Variants in ZMAT4 observed in about 807,000 individuals in gnomAD.
The protein encoded by ZMAT4 is zinc finger matrin-type 4.
ZMAT4 carries 17 observed loss-of-function variants against 28.7 expected under a neutral mutation model. The observed-to-expected ratio is 0.59, with a 90% confidence interval of 0.41 to 0.89. ZMAT4 has a LOEUF of 0.89. Ranked by LOEUF, ZMAT4 falls within the 40% of genes least tolerant of loss-of-function variation. The pLI, the probability that ZMAT4 is intolerant of heterozygous loss-of-function variation, is 0.00. For missense variants in ZMAT4, 240 were observed against 283.8 expected (o/e 0.85, Z 1.11); for synonymous variants, 117 against 109.2 (o/e 1.07, Z -0.44).
At chr8:40,752,924 C>T (rs1439334290) in intron 3 of ZMAT4, among the ~76,000 whole-genome samples, 2 of 151,998 alleles carry the variant, frequency 1.3e-5, no homozygotes, top group South Asian at 2.1e-4. Context: ...ATATGCAGAA[C>T]GTGCAGGTTT....
chr8:40,584,574 G>A (rs1804601555), intron 5 of ZMAT4, among the ~76,000 whole-genome samples: 1 of 151,998 alleles, frequency 6.6e-6, no homozygotes, highest in African/African-American at 2.4e-5. Context: ...CTATCTAAAA[G>A]TTTGGAAAAA....
chr8:40,534,677 CTTTTTTT>C (rs34915339), intron 6 of ZMAT4, among the ~76,000 whole-genome samples: 2 of 87,382 alleles, frequency 2.3e-5, no homozygotes, highest in East Asian at 7.9e-4. Flanking sequence ...CATTTGCTAC[CTTTTTTT>C]TTTTTTTTTT....
rs1031794148 is a variant in ZMAT4 at position 40,729,879 on chromosome 8, G to A, written c.193-32478C>T. On this transcript the variant is annotated intron_variant, in intron 3 of 6. Transcript: ENST00000297737. ...CCCAAAGTGCTGGGATTACAGGCCCGCTTGAGCATATATTTCTTTCTTGAA... is the reference window on the plus strand; with the variant it reads ...CCCAAAGTGCTGGGATTACAGGCCCACTTGAGCATATATTTCTTTCTTGAA... Among the ~76,000 whole-genome samples, 6 of 152,018 alleles carry A rather than the reference G, an allele frequency of 3.9e-5. No homozygotes were observed. In the East Asian group the frequency reaches 9.6e-4, roughly 24 times the overall value.
intron 3 of ZMAT4, among the ~76,000 whole-genome samples, chr8:40,741,609 G>A (rs1461073178): frequency 2.0e-5 from 3 of 152,126 alleles, no homozygotes; most frequent in Non-Finnish European, 2.9e-5. Flanking sequence ...GTGAAGATGA[G>A]GTAAAGTGGA....
chr8:40,860,243 G>A (rs1292536323), intron 1 of ZMAT4, among the ~76,000 whole-genome samples: 1 of 152,140 alleles, frequency 6.6e-6, no homozygotes, highest in Non-Finnish European at 1.5e-5. Context: ...TACAGCCTGA[G>A]GGGAGGTTGG....
intron 2 of ZMAT4, among the ~76,000 whole-genome samples, chr8:40,787,866 T>C (rs1814152530): frequency 6.6e-6 from 1 of 152,236 alleles, no homozygotes; most frequent in Admixed American, 6.5e-5. Flanking sequence ...TGTTCATTTC[T>C]AGAATTTTCC....
chr8:40,640,083 C>T (rs1240358699), intron 5 of ZMAT4, among the ~76,000 whole-genome samples: 1 of 152,066 alleles, frequency 6.6e-6, no homozygotes, highest in Admixed American at 6.6e-5. Flanking sequence ...TTCAAGTAAT[C>T]CTCCCACCTC....
At chr8:40,599,819 C>G (rs1203523647) in intron 5 of ZMAT4, among the ~76,000 whole-genome samples, 1 of 152,142 alleles carries the variant, frequency 6.6e-6, no homozygotes, top group Non-Finnish European at 1.5e-5. Context: ...CATAGGGGGG[C>G]CCCCGCCCCT....
chr8:40,566,667 C>A (rs977044616), intron 6 of ZMAT4, among the ~76,000 whole-genome samples: 3 of 152,228 alleles, frequency 2.0e-5, no homozygotes, highest in Non-Finnish European at 4.4e-5. Context: ...GAAGCTCCCC[C>A]CTACTCAGTT....
intron 5 of ZMAT4, among the ~76,000 whole-genome samples, chr8:40,653,701 C>A (rs1807788377): frequency 6.6e-6 from 1 of 151,918 alleles, no homozygotes; most frequent in Admixed American, 6.6e-5. Context: ...AAGAAACTAC[C>A]AAAACTGACT....
intron 1 of ZMAT4, among the ~76,000 whole-genome samples, chr8:40,867,971 T>A (rs1410895045): frequency 6.6e-6 from 1 of 152,194 alleles, no homozygotes; most frequent in East Asian, 1.9e-4. Flanking sequence ...ATTATTTTTC[T>A]GGTTGTCTCC....
chr8:40,628,861 T>C (rs544964995), intron 5 of ZMAT4, among the ~76,000 whole-genome samples: 11 of 152,300 alleles, frequency 7.2e-5, no homozygotes, highest in African/African-American at 1.9e-4. Flanking sequence ...AGATCTCTAC[T>C]ATACAGAATC....
chr8:40,600,388 G>C (rs1805259040), intron 5 of ZMAT4, among the ~76,000 whole-genome samples: 1 of 152,172 alleles, frequency 6.6e-6, no homozygotes, highest in African/African-American at 2.4e-5. Context: ...ACTCTACCAA[G>C]ATAAAAATGG....
chr8:40,550,410 T>G (rs1803331491), intron 6 of ZMAT4, among the ~76,000 whole-genome samples: 2 of 152,216 alleles, frequency 1.3e-5, no homozygotes, highest in African/African-American at 2.4e-5. Context: ...CCTGCATGTT[T>G]AATTCTGTCT....
At chr8:40,796,153 C>A (rs186301008) in intron 2 of ZMAT4, among the ~76,000 whole-genome samples, 2 of 152,274 alleles carry the variant, frequency 1.3e-5, no homozygotes, top group African/African-American at 2.4e-5. Flanking sequence ...ATTTAACCGG[C>A]CTTGAAAGCC....
At chr8:40,545,451 C>T (rs1190026905) in intron 6 of ZMAT4, among the ~76,000 whole-genome samples, 2 of 152,140 alleles carry the variant, frequency 1.3e-5, no homozygotes, top group East Asian at 3.8e-4. Context: ...TGTTGAAGTC[C>T]TAACACTCAG....
chr8:40,864,791 T>C (rs1042290599), intron 1 of ZMAT4, among the ~76,000 whole-genome samples: 7 of 152,244 alleles, frequency 4.6e-5, no homozygotes, highest in African/African-American at 1.7e-4. Context: ...GTAAAAAGTC[T>C]AGCAAATTAT....
chr8:40,835,902 T>G (rs1383246481), intron 1 of ZMAT4, among the ~76,000 whole-genome samples: 1 of 152,216 alleles, frequency 6.6e-6, no homozygotes, highest in African/African-American at 2.4e-5. Flanking sequence ...GGTGCTGATT[T>G]GTCTCCTGAC....
chr8:40,708,571 T>TTCTCTCTCTCTCTC lies in ZMAT4; in HGVS notation c.193-11184_193-11171dup, dbSNP rs36210172. On this transcript the variant is annotated intron_variant, in intron 3 of 6. Transcript: ENST00000297737. ...CTACACACACACACATACACACTCT[T>TTCTCTCTCTCTCTC]TCTCTCTCTCTCTCTCTCTCTCTCT... is the stretch of plus-strand genomic sequence containing the variant. Among the ~76,000 whole-genome samples the TTCTCTCTCTCTCTC allele has an allele frequency of 5.7e-4, 69 of 121,030 alleles. 1 individual carries two copies. The highest frequency in any genetic ancestry group is 7.0e-4 in the Non-Finnish European group (42 of 60,136). The allele number at this position is 121,030 out of a possible 152,430, so 79.4% of individuals were successfully genotyped here.
Sources: gnomAD v4.1 joint callset for allele counts (sites outside exome capture counted in the v4.1 genomes callset) on GRCh38, gnomAD v4.1.1 for gene constraint, MANE v1.5 for transcripts, NCBI Gene and HGNC (gene_info 2026-07-23, HGNC 2026-07-21) for gene names.